RAD51B: variants seen among roughly 807,000 people sequenced by gnomAD.
RAD51B encodes the protein RAD51 paralog B, also known as DNA repair protein RAD51 homolog 2.
In RAD51B, 38 loss-of-function variants were observed where a neutral mutation model predicts 42.2. That is an observed-to-expected ratio of 0.90 (90% CI 0.70 to 1.18). RAD51B has a LOEUF of 1.18. RAD51B is among the 50% of genes most tolerant of loss of function. The pLI is 0.00. For missense variants in RAD51B, 373 were observed against 400.7 expected (o/e 0.93, Z 0.59); for synonymous variants, 154 against 145.2 (o/e 1.06, Z -0.43).
chr14:67,911,722 G>C (rs1174871858), intron 7 of RAD51B, among the ~76,000 whole-genome samples: 2 of 151,908 alleles, frequency 1.3e-5, no homozygotes, highest in Non-Finnish European at 2.9e-5. Context: ...CGTTATTTTT[G>C]GCAAGTCAGG....
At chr14:68,682,882 T>G (rs1893462605) in intron 11 of RAD51B, 2 of 928,892 alleles carry the variant, frequency 2.2e-6, no homozygotes, top group Non-Finnish European at 2.6e-6. Flanking sequence ...AGGCTTTTTT[T>G]TTTTTAATAA....
At chr14:67,902,634 G>A (rs994660342) in intron 7 of RAD51B, among the ~76,000 whole-genome samples, 9 of 152,146 alleles carry the variant, frequency 5.9e-5, no homozygotes, top group Non-Finnish European at 1.0e-4. Context: ...GTAGTTGGGG[G>A]CTAGTGTCAT....
At chr14:68,467,000 T>C (rs1227448586) in intron 9 of RAD51B, among the ~76,000 whole-genome samples, 1 of 152,240 alleles carries the variant, frequency 6.6e-6, no homozygotes, top group Non-Finnish European at 1.5e-5. Flanking sequence ...TATATAAGCC[T>C]TTTGATCATT....
chr14:68,528,674 T>A, intron 10 of RAD51B, among the ~76,000 whole-genome samples: 1 of 7,858 alleles, frequency 1.3e-4, no homozygotes, highest in Non-Finnish European at 2.6e-4. Flanking sequence ...ATTATTTACC[T>A]TTTTTTTTTT....
At chr14:68,608,020 G>A (rs1162031913) in intron 10 of RAD51B, among the ~76,000 whole-genome samples, 2 of 152,228 alleles carry the variant, frequency 1.3e-5, no homozygotes, top group African/African-American at 4.8e-5. Flanking sequence ...GCCAGGGGTG[G>A]TATGAGGCCA....
intron 7 of RAD51B, among the ~76,000 whole-genome samples, chr14:68,015,390 A>G (rs537074165): frequency 1.5e-4 from 23 of 152,316 alleles, no homozygotes; most frequent in African/African-American, 5.3e-4. Flanking sequence ...ACGATGGTGT[A>G]TTAGTCTGTT....
chr14:68,637,223 C>A (rs1171916396), intron 10 of RAD51B, among the ~76,000 whole-genome samples: 1 of 152,062 alleles, frequency 6.6e-6, no homozygotes, highest in African/African-American at 2.4e-5. Context: ...GGGACTATAA[C>A]CATGGCCATC....
chr14:68,400,729 G>A (rs1173292365), intron 8 of RAD51B, among the ~76,000 whole-genome samples: 1 of 152,226 alleles, frequency 6.6e-6, no homozygotes, highest in Non-Finnish European at 1.5e-5. Context: ...TAAATTTAAA[G>A]AGAAAGTGCC....
At chr14:68,289,536 G>A (rs923089000) in intron 7 of RAD51B, among the ~76,000 whole-genome samples, 1 of 151,744 alleles carries the variant, frequency 6.6e-6, no homozygotes, top group African/African-American at 2.4e-5. Flanking sequence ...CCAGCATGGT[G>A]AAACCCCATC....
chr14:67,857,598 A>T (rs1361963079), intron 4 of RAD51B, among the ~76,000 whole-genome samples: 1 of 152,232 alleles, frequency 6.6e-6, no homozygotes, highest in Admixed American at 6.5e-5. Flanking sequence ...TTTAAAAATC[A>T]CAAAGCATTG....
rs1158570155 is a variant in RAD51B at position 68,127,604 on chromosome 14, AACACACACACACACACACAC to A, written c.757-164248_757-164229del. The stretch of plus-strand genomic sequence containing the variant: ...TTCATAAATAACAATTGTACATTGT[AACACACACACACACACACAC>A]ACACACACACACACACACACACACA... On this transcript the variant is annotated intron_variant, in intron 7 of 10. Transcript: ENST00000471583. Among the ~76,000 whole-genome samples, 1,143 of 133,622 alleles carry A rather than the reference AACACACACACACACACACAC, an allele frequency of 8.6e-3. 11 individuals carry two copies. Among genetic ancestry groups the A allele is most frequent in the African/African-American group, 0.029 (1,035 of 35,566 alleles). 87.7% of individuals were successfully genotyped at this position (133,622 alleles called of 152,430 possible).
intron 7 of RAD51B, among the ~76,000 whole-genome samples, chr14:68,279,164 C>G (rs1406178106): frequency 6.6e-5 from 10 of 152,170 alleles, no homozygotes; most frequent in Admixed American, 5.9e-4. Context: ...AGCCAACAGG[C>G]AGATTTAGTC....
chr14:67,964,054 G>A (rs2074720468), intron 7 of RAD51B, among the ~76,000 whole-genome samples: 1 of 151,648 alleles, frequency 6.6e-6, no homozygotes, highest in African/African-American at 2.4e-5. Flanking sequence ...TTTCTATGCT[G>A]TTCTTTTCCC....
At chr14:68,295,256 C>A (rs1440838254) in intron 8 of RAD51B, among the ~76,000 whole-genome samples, 1 of 152,086 alleles carries the variant, frequency 6.6e-6, no homozygotes, top group East Asian at 1.9e-4. Context: ...TGGAATGAAA[C>A]CTCAATGAAG....
chr14:68,426,377 G>C (rs1271447884), intron 9 of RAD51B, among the ~76,000 whole-genome samples: 1 of 152,098 alleles, frequency 6.6e-6, no homozygotes, highest in African/African-American at 2.4e-5. Context: ...GGCCTGGTCA[G>C]TAAAGGCCAT....
intron 7 of RAD51B, among the ~76,000 whole-genome samples, chr14:68,230,229 T>C (rs1053002309): frequency 3.9e-5 from 6 of 152,136 alleles, no homozygotes; most frequent in African/African-American, 1.2e-4. Flanking sequence ...ATAAATTACT[T>C]TGGCTAACTG....
At chr14:68,181,829 A>G (rs369957123) in intron 7 of RAD51B, among the ~76,000 whole-genome samples, 1 of 152,198 alleles carries the variant, frequency 6.6e-6, no homozygotes, top group Non-Finnish European at 1.5e-5. Flanking sequence ...TCAAAGGGTT[A>G]TGTCCTCAGA....
chr14:68,288,392 A>G (rs1739718578), intron 7 of RAD51B, among the ~76,000 whole-genome samples: 1 of 152,234 alleles, frequency 6.6e-6, no homozygotes, highest in South Asian at 2.1e-4. Context: ...TAAGACATGT[A>G]ATTAAAAGGG....
At chr14:67,988,394 A>G (rs2140285901) in intron 7 of RAD51B, among the ~76,000 whole-genome samples, 1 of 152,238 alleles carries the variant, frequency 6.6e-6, no homozygotes, top group African/African-American at 2.4e-5. Context: ...GGTAAGCGGA[A>G]GTTGCAATGA....
Sources: allele counts gnomAD v4.1 joint callset (sites outside exome capture counted in the v4.1 genomes callset), GRCh38; gene constraint gnomAD v4.1.1; transcripts MANE v1.5; gene names NCBI Gene and HGNC (gene_info 2026-07-23, HGNC 2026-07-21).